The following COPB2 variants were observed in gnomAD, a reference collection of about 807,000 sequenced individuals.
COPB2 encodes coatomer subunit beta'.
Under a neutral mutation model 120.8 loss-of-function variants are expected in COPB2, and 16 were observed. The ratio of observed to expected loss-of-function variants is 0.13; its 90% CI spans 0.09 to 0.20. The LOEUF is 0.20. COPB2 is among the 10% of genes least tolerant of loss of function. The pLI is 1.00. For synonymous variants in COPB2, 332 were observed against 366.3 expected, an observed-to-expected ratio of 0.91 and a Z score of 1.07; for missense variants, 794 against 1,076.5, an observed-to-expected ratio of 0.74 and a Z score of 3.67.
intron 1 of COPB2, among the ~76,000 whole-genome samples, chr3:139,388,531 A>G (rs1941978005): frequency 6.6e-6 from 1 of 151,794 alleles, no homozygotes; most frequent in South Asian, 2.1e-4. Context: ...AACCTTGTAG[A>G]AACATAATTT....
At chr3:139,378,217 T>A in intron 4 of COPB2, 28 bp from the exon 5 acceptor site, 1 of 1,508,920 alleles carries the variant, frequency 6.6e-7, no homozygotes, top group Middle Eastern at 1.8e-4. Context: ...CTCAAGTTAG[T>A]TGTAATTCTA....
At chr3:139,377,549 C>T (rs1341865039) in intron 5 of COPB2, among the ~76,000 whole-genome samples, 1 of 152,172 alleles carries the variant, frequency 6.6e-6, no homozygotes, top group African/African-American at 2.4e-5. Context: ...CAGGCTAGTC[C>T]TGGAAATCCT....
chr3:139,357,850 G>T lies in COPB2; in HGVS notation c.*13C>A, dbSNP rs762285973. 2.1e-6 allele frequency: 3 copies of T among 1,436,192 alleles called. No individual in the cohort carries two copies. In the Admixed American group the frequency reaches 5.3e-5, roughly 25 times the overall value. The allele number at this position is 1,436,192 out of a possible 1,614,324, so 89.0% of individuals were successfully genotyped here. Reference sequence around the variant, plus strand: ...AATGATCTGTTTAGTCAGGTAAATGGAAAGCATTACAGTCAATCATCCAAA... The same window carrying T: ...AATGATCTGTTTAGTCAGGTAAATGTAAAGCATTACAGTCAATCATCCAAA... On this transcript the variant is annotated 3_prime_UTR_variant, in exon 22 of 22. Transcript: ENST00000333188.
chr3:139,373,597 T>C, intron 8 of COPB2, 69 bp downstream of exon 8: 1 of 1,600,790 alleles, frequency 6.2e-7, no homozygotes, highest in Non-Finnish European at 8.5e-7. Flanking sequence ...ACTTGGAAGA[T>C]GACAGTACTA....
At position 139,357,727 on chromosome 3, in the gene COPB2, G is replaced by T. The variant is rs566734118; in HGVS notation, c.*136C>A. 6 of 499,820 alleles carry T rather than the reference G, an allele frequency of 1.2e-5. No individual in the cohort carries two copies. In the South Asian group the frequency reaches 2.2e-4, roughly 19 times the overall value. The allele number at this position is 499,820 out of a possible 1,614,324, so 31.0% of individuals were successfully genotyped here. A position where few individuals can be genotyped will look rare whatever the true frequency, so the allele number is the denominator to read the frequency against. The stretch of plus-strand genomic sequence containing the variant: ...CTTCTTAAGATGATGTGGGCATTGT[G>T]CTCCCAGTGGTCCACAGCATTTACA... On this transcript the variant is annotated 3_prime_UTR_variant, in exon 22 of 22. Transcript: ENST00000333188.
chr3:139,375,579 A>G lies in COPB2; in HGVS notation c.540T>C (p.Thr180=). 6.2e-7 allele frequency: 1 copy of G among 1,614,082 alleles called. No homozygotes were observed. Among genetic ancestry groups the G allele is most frequent in the Admixed American group, 1.7e-5 (1 of 60,022 alleles). Residue 180 remains threonine, a synonymous_variant, in exon 6 of 22, where the codon ACT becomes ACC. Coordinates refer to ENST00000333188, the MANE Select transcript of COPB2 (RefSeq NM_004766.3). ...TCACGCCTTTCTCATGTCCTTCCAAAGTGAAGTTTGGTGACGAAGAGCCCA... is the reference window on the plus strand; with the variant it reads ...TCACGCCTTTCTCATGTCCTTCCAAGGTGAAGTTTGGTGACGAAGAGCCCA... ...WQLGSSSPNF[T]LEGHEKGVNC...
Position 139,359,259 on chromosome 3 carries a change from A to G in COPB2, c.2303+11T>C, listed in dbSNP as rs774615577. On this transcript the variant is annotated intron_variant, in intron 18 of 21. Transcript: ENST00000333188. ...TTGGAAACATTTCTTCCTAAAATTA[A>G]AAGTCTGTACCTTGAAACCTGACTG... 2 of 1,613,484 alleles carry G rather than the reference A, an allele frequency of 1.2e-6. No homozygotes were observed. Among genetic ancestry groups the G allele is most frequent in the Non-Finnish European group, 1.7e-6 (2 of 1,179,684 alleles).
chr3:139,373,439 C>A (rs1476994610), intron 8 of COPB2, 27 bp from the exon 9 acceptor site: 3 of 1,611,114 alleles, frequency 1.9e-6, no homozygotes, highest in African/African-American at 1.3e-5. Flanking sequence ...TAGCTCTCAG[C>A]AATGAAAAGG....
rs1411314995 is a variant in COPB2 at position 139,361,138 on chromosome 3, C to T, written c.2153G>A (p.Gly718Asp). Residue 718 changes from glycine (G) to aspartate (D), a missense_variant, in exon 17 of 22, where the codon GGT (glycine) becomes GAT (aspartate). Coordinates refer to ENST00000333188, the MANE Select transcript of COPB2 (RefSeq NM_004766.3). ...NANMVNKLAEGAERDGKNNVA... is the reference protein window; with the variant it reads ...NANMVNKLAEDAERDGKNNVA... ...ATTATTTTTGCCATCTCTCTCCGCA[C>T]CCTCTGCTAGCTTGTTCACCATATT... The T allele has an allele frequency of 1.2e-6, 2 of 1,614,238 alleles. No individual in the cohort carries two copies. Among genetic ancestry groups the T allele is most frequent in the Non-Finnish European group, 1.7e-6 (2 of 1,180,046 alleles).
chr3:139,381,664 G>C (rs544149139), intron 2 of COPB2: 7 of 152,220 alleles, frequency 4.6e-5, no homozygotes, highest in Admixed American at 3.9e-4. Flanking sequence ...GTATAGAAGA[G>C]AAAAAGGAGG....
chr3:139,360,200 A>AAC (rs1941386055), intron 17 of COPB2, among the ~76,000 whole-genome samples: 1 of 151,894 alleles, frequency 6.6e-6, no homozygotes, highest in Non-Finnish European at 1.5e-5. Flanking sequence ...TGTAAAAAAA[A>AAC]AAAAAAATCA....
chr3:139,378,654 T>C (rs1941758294), intron 4 of COPB2, among the ~76,000 whole-genome samples: 1 of 152,214 alleles, frequency 6.6e-6, no homozygotes, highest in Non-Finnish European at 1.5e-5. Flanking sequence ...CTTTTTCCAG[T>C]CCTCCAAGAG....
chr3:139,378,306 A>T, intron 4 of COPB2, 117 bp from the exon 5 acceptor site: 1 of 965,366 alleles, frequency 1.0e-6, no homozygotes, highest in Non-Finnish European at 1.4e-6. Flanking sequence ...GACTTACAGA[A>T]ATAGAATCAA....
At chr3:139,374,093 C>A (rs1004340697) in intron 7 of COPB2, 5 of 448,890 alleles carry the variant, frequency 1.1e-5, no homozygotes, top group African/African-American at 7.9e-5. Context: ...TTTCTACCCA[C>A]AATTTCTTCT....
rs908537908 is a variant in COPB2, at chr3:139,358,253, C to G, written c.2572G>C (p.Ala858Pro). Residue 858 changes from alanine to proline, a missense_variant, in exon 21 of 22, where the codon GCT (alanine) becomes CCT (proline). This residue lies in a region of COPB2 where 178 missense variants were observed against 183.2 expected (regional missense o/e 0.97). Transcript: ENST00000333188. ...TAQQELDGKP[A>P]SPTPVIVASH... ...GCCACAATAACCGGAGTAGGAGAAG[C>G]AGGTTTCCCATCAAGTTCCTGAAAC... The G allele has an allele frequency of 6.2e-6, 10 of 1,613,948 alleles. No homozygotes were observed. The African/African-American group carries it at 1.3e-4, about 22-fold the overall frequency.
chr3:139,386,225 T>A (rs1049431816), intron 1 of COPB2, among the ~76,000 whole-genome samples: 2 of 152,042 alleles, frequency 1.3e-5, no homozygotes, highest in Non-Finnish European at 2.9e-5. Flanking sequence ...GTTTTCACTG[T>A]CATCAGTCCC....
At chr3:139,367,311 G>A (rs1263153884) in intron 13 of COPB2, among the ~76,000 whole-genome samples, 166 bp from the exon 14 acceptor site, 1 of 145,100 alleles carries the variant, frequency 6.9e-6, no homozygotes, top group Non-Finnish European at 1.5e-5. Flanking sequence ...TTTTTTTTGA[G>A]ATGAAGTCTC....
At chr3:139,387,666 T>TA (rs559266446) in intron 1 of COPB2, among the ~76,000 whole-genome samples, 52 of 152,308 alleles carry the variant, frequency 3.4e-4, no homozygotes, top group African/African-American at 1.2e-3. Flanking sequence ...ACCTTATATA[T>TA]TTGAGTATGG....
intron 19 of COPB2, 55 bp from the exon 20 acceptor site, chr3:139,358,867 T>C (rs1314539659): frequency 1.3e-6 from 2 of 1,566,394 alleles, no homozygotes; most frequent in East Asian, 4.5e-5. Context: ...ATAATTTACC[T>C]ATGAACTTGG....
Sources: allele counts gnomAD v4.1 joint callset (sites outside exome capture counted in the v4.1 genomes callset), GRCh38; gene constraint gnomAD v4.1.1; regional missense constraint gnomAD v4.1.1; transcripts MANE v1.5; gene names NCBI Gene and HGNC (gene_info 2026-07-23, HGNC 2026-07-21).